Variants in NEIL3 observed in about 807,000 individuals in gnomAD.
NEIL3 encodes the protein endonuclease 8-like 3.
Under a neutral mutation model 57.5 loss-of-function variants are expected in NEIL3, and 48 were observed. The observed-to-expected ratio is 0.83, with a 90% CI of 0.66 to 1.06. NEIL3 has a LOEUF of 1.06. NEIL3 is among the 50% of genes least tolerant of loss of function. The pLI is 0.00. For missense variants in NEIL3, 717 were observed against 739.1 expected (o/e 0.97, Z 0.35); for synonymous variants, 261 against 253.2 (o/e 1.03, Z -0.29).
At chr4:177,339,107 G>C (rs1735034571) in intron 4 of NEIL3, among the ~76,000 whole-genome samples, 1 of 152,112 alleles carries the variant, frequency 6.6e-6, no homozygotes, top group Non-Finnish European at 1.5e-5. Flanking sequence ...GAACAACACA[G>C]GAATTGGGGT....
chr4:177,329,444 A>G (rs1260753152), intron 2 of NEIL3, among the ~76,000 whole-genome samples: 1 of 152,224 alleles, frequency 6.6e-6, no homozygotes, highest in Admixed American at 6.5e-5. Context: ...AAGCTGGAGT[A>G]GCTAGAATAA....
downstream of NEIL3, among the ~76,000 whole-genome samples, chr4:177,366,421 G>A (rs1735693780): frequency 6.6e-6 from 1 of 152,168 alleles, no homozygotes; most frequent in South Asian, 2.1e-4. Context: ...ATTTTGAGAT[G>A]GAGTCTCGCT....
At chr4:177,344,597 G>C (rs6823747) in intron 6 of NEIL3, among the ~76,000 whole-genome samples, 119,292 of 152,028 alleles carry the variant, frequency 0.78, 47,251 homozygotes, top group African/African-American at 0.83. Flanking sequence ...GTCTCACTCT[G>C]ATCACCCAGG....
chr4:177,353,316 C>T lies in NEIL3; in HGVS notation c.1048C>T (p.Leu350Phe). The change falls in exon 8 of 10, where the codon CTC becomes TTC. Residue 350 changes from leucine to phenylalanine, a missense_variant. Coordinates refer to ENST00000264596, the MANE Select transcript of NEIL3 (RefSeq NM_018248.3). Reference sequence around the variant, plus strand: ...CTTCTCTCTCCTTCCAGATTCAGTGCTCAAGAGTGAAGAAAATTCTACTGT... The same window carrying T: ...CTTCTCTCTCCTTCCAGATTCAGTGTTCAAGAGTGAAGAAAATTCTACTGT... ...CLTSRPIDSV[L>F]KSEENSTVFS... 6.2e-7 allele frequency: 1 copy of T among 1,611,844 alleles called. No individual in the cohort carries two copies. The highest frequency in any genetic ancestry group is 8.5e-7 in the Non-Finnish European group (1 of 1,179,152).
chr4:177,341,978 G>A (rs1735103876), intron 6 of NEIL3, among the ~76,000 whole-genome samples: 1 of 152,168 alleles, frequency 6.6e-6, no homozygotes, highest in South Asian at 2.1e-4. Flanking sequence ...GCTTCACTTA[G>A]AAATAATATT....
chr4:177,323,231 A>C (rs1191648294), intron 2 of NEIL3, among the ~76,000 whole-genome samples: 2 of 152,192 alleles, frequency 1.3e-5, no homozygotes, highest in African/African-American at 4.8e-5. Flanking sequence ...CCTTTGAGTT[A>C]ATATGTCTAC....
chr4:177,329,377 T>C (rs1006297254), intron 2 of NEIL3, among the ~76,000 whole-genome samples: 1 of 151,986 alleles, frequency 6.6e-6, no homozygotes, highest in African/African-American at 2.4e-5. Context: ...AATATAATGA[T>C]GCAGGTTAAA....
chr4:177,330,856 G>A (rs1405391172), intron 2 of NEIL3, among the ~76,000 whole-genome samples: 1 of 152,056 alleles, frequency 6.6e-6, no homozygotes, highest in African/African-American at 2.4e-5. Context: ...TATAATTAGA[G>A]TACACATTAA....
chr4:177,363,479 G>T (rs1735649742), downstream of NEIL3, among the ~76,000 whole-genome samples: 1 of 152,124 alleles, frequency 6.6e-6, no homozygotes, highest in Admixed American at 6.5e-5. Flanking sequence ...GCTCAACAGG[G>T]CAGTGACTCT....
Position 177,335,721 on chromosome 4 carries a change from T to G in NEIL3, c.312T>G (p.Ile104Met), listed in dbSNP as rs571871686. Residue 104 changes from isoleucine to methionine, a missense_variant, in exon 3 of 10, where the codon ATT becomes ATG. Ile to Met is a conservative substitution (Grantham distance 10). Transcript: ENST00000264596. Reference protein sequence around the residue: ...IHFGMKGFIMINPLEYKYKNG... With the variant: ...IHFGMKGFIMMNPLEYKYKNG... ...TCGGAATGAAAGGCTTCATCATGATTAATCCACTTGAGTATAAATATAAAA... is the reference window on the plus strand; with the variant it reads ...TCGGAATGAAAGGCTTCATCATGATGAATCCACTTGAGTATAAATATAAAA... 1.2e-6 allele frequency: 2 copies of G among 1,606,980 alleles called. No homozygotes were observed. Among genetic ancestry groups the G allele is most frequent in the African/African-American group, 2.7e-5 (2 of 74,696 alleles).
At chr4:177,337,698 T>G (rs1329257334) in intron 4 of NEIL3, among the ~76,000 whole-genome samples, 1 of 151,898 alleles carries the variant, frequency 6.6e-6, no homozygotes, top group South Asian at 2.1e-4. Context: ...TGCCTGGGGG[T>G]TTAAAAATTA....
intron 8 of NEIL3, among the ~76,000 whole-genome samples, chr4:177,360,257 T>C (rs1735580896): frequency 6.6e-6 from 1 of 152,266 alleles, no homozygotes; most frequent in Non-Finnish European, 1.5e-5. Context: ...ACAGTCCAGC[T>C]GCTTTTGTTC....
chr4:177,325,698 T>G (rs973826405), intron 2 of NEIL3, among the ~76,000 whole-genome samples: 1 of 152,132 alleles, frequency 6.6e-6, no homozygotes, highest in South Asian at 2.1e-4. Context: ...TTTCAGTTAC[T>G]CAGCATCTTT....
At chr4:177,341,987 T>A (rs534234417) in intron 6 of NEIL3, among the ~76,000 whole-genome samples, 6 of 152,294 alleles carry the variant, frequency 3.9e-5, no homozygotes, top group African/African-American at 1.4e-4. Flanking sequence ...AGAAATAATA[T>A]TATAAAACAA....
chr4:177,359,838 A>C (rs1184050444), intron 8 of NEIL3, among the ~76,000 whole-genome samples: 1 of 152,206 alleles, frequency 6.6e-6, no homozygotes, highest in Non-Finnish European at 1.5e-5. Context: ...TACACTGGGT[A>C]TGAGGGCAAC....
chr4:177,354,776 C>T (rs902488252), intron 8 of NEIL3, among the ~76,000 whole-genome samples: 1 of 152,204 alleles, frequency 6.6e-6, no homozygotes, highest in Non-Finnish European at 1.5e-5. Context: ...GCCACTACGC[C>T]TGGCGTTGTT....
At chr4:177,339,999 G>GGT in intron 5 of NEIL3, 142 bp downstream of exon 5, 1 of 615,644 alleles carries the variant, frequency 1.6e-6, no homozygotes, top group South Asian at 2.0e-5. Context: ...ACATTATGTG[G>GGT]GTGTAATTAA....
In NEIL3 at chr4:177,341,494, G is replaced by T. The variant is rs147766889; in HGVS notation, c.721G>T (p.Ala241Ser). The T allele has an allele frequency of 5.1e-4, 810 of 1,580,096 alleles. No individual in the cohort carries two copies. The highest frequency in any genetic ancestry group is 6.6e-4 in the Non-Finnish European group (769 of 1,166,496). The change falls in exon 6 of 10, where the codon GCT (alanine) becomes TCT (serine). Residue 241 changes from alanine to serine, a missense_variant. Coordinates refer to ENST00000264596, the MANE Select transcript of NEIL3 (RefSeq NM_018248.3). ...TTTTTAGTGCCGTAAAGCAGGACTT[G>T]CTCTCTCTAAACACTATAAGGTTTA... ...LFYRCRKAGL[A>S]LSKHYKVYKR...
At chr4:177,346,608 G>A (rs1735225324) in intron 6 of NEIL3, among the ~76,000 whole-genome samples, 1 of 152,100 alleles carries the variant, frequency 6.6e-6, no homozygotes, top group African/African-American at 2.4e-5. Flanking sequence ...GGACCTTTCT[G>A]CCTCTCCTCC....
Sources: allele counts gnomAD v4.1 joint callset (sites outside exome capture counted in the v4.1 genomes callset), GRCh38; gene constraint gnomAD v4.1.1; transcripts MANE v1.5; gene names NCBI Gene and HGNC (gene_info 2026-07-23, HGNC 2026-07-21).